Variants in RBFOX1 observed in about 807,000 individuals in gnomAD.
RBFOX1 encodes the protein RNA binding protein fox-1 homolog 1.
Under a neutral mutation model 57.7 loss-of-function variants are expected in RBFOX1, and 8 were observed. The ratio of observed to expected loss-of-function variants is 0.14; its 90% confidence interval spans 0.08 to 0.25. The LOEUF is 0.25. Ranked by LOEUF, RBFOX1 falls within the 10% of genes least tolerant of loss-of-function variation. The pLI, the probability that RBFOX1 is intolerant of heterozygous loss-of-function variation, is 1.00. For missense variants in RBFOX1, 611 were observed against 548.5 expected, an observed-to-expected ratio of 1.11 and a Z score of -1.14; for synonymous variants, 326 against 222.4, an observed-to-expected ratio of 1.47 and a Z score of -4.15.
chr16:6,009,952 C>T (rs972539869), intron 4 of RBFOX1, among the ~76,000 whole-genome samples: 2 of 152,154 alleles, frequency 1.3e-5, no homozygotes, highest in Admixed American at 6.5e-5. Context: ...GTCTTACATA[C>T]ACTGCAGTTG....
intron 3 of RBFOX1, among the ~76,000 whole-genome samples, chr16:6,863,670 TA>T (rs71408411): frequency 1.4e-4 from 15 of 105,536 alleles, no homozygotes; most frequent in Non-Finnish European, 2.1e-4. Flanking sequence ...TTTTTTTCCT[TA>T]AAAAAAAAAA....
At chr16:7,480,238 G>A (rs762057841) in intron 4 of RBFOX1, among the ~76,000 whole-genome samples, 7 of 152,140 alleles carry the variant, frequency 4.6e-5, no homozygotes, top group South Asian at 2.1e-4. Flanking sequence ...ACTGGGCCTC[G>A]GGAAGCAACT....
intron 1 of RBFOX1, among the ~76,000 whole-genome samples, chr16:6,279,663 A>G (rs897608583): frequency 6.6e-6 from 1 of 152,196 alleles, no homozygotes; most frequent in Admixed American, 6.5e-5. Flanking sequence ...TAAACACACT[A>G]TTAACTATTA....
intron 4 of RBFOX1, among the ~76,000 whole-genome samples, chr16:7,501,607 A>C (rs2013224): frequency 0.12 from 17,932 of 152,124 alleles, 1,097 homozygotes; most frequent in East Asian, 0.18. Context: ...GCTTTGTTCT[A>C]CTTTGTTTTC....
chr16:5,778,312 G>A lies in RBFOX1; in HGVS notation c.319-88991G>A, dbSNP rs557699622. On this transcript the variant is annotated intron_variant, in intron 3 of 19. Coordinates refer to the RBFOX1 transcript ENST00000641259. ...CAGAGTTCTAAGTGTGAGTTTCCAT[G>A]ATCTCATCTGATTTCCCTACCATCT... Among the ~76,000 whole-genome samples, 42 of 152,212 alleles carry A rather than the reference G, an allele frequency of 2.8e-4. 1 individual carries two copies. The South Asian group carries it at 8.3e-3, about 30-fold the overall frequency.
chr16:7,591,336 G>C (rs753653872), intron 7 of RBFOX1, among the ~76,000 whole-genome samples: 6 of 152,012 alleles, frequency 3.9e-5, no homozygotes, highest in Non-Finnish European at 7.4e-5. Context: ...TAGAGGACTG[G>C]ATTTTTCATC....
chr16:6,947,766 C>T (rs576451797), intron 3 of RBFOX1, among the ~76,000 whole-genome samples: 1 of 152,118 alleles, frequency 6.6e-6, no homozygotes, highest in African/African-American at 2.4e-5. Flanking sequence ...CATCTGATTA[C>T]ATTTTCTCTT....
chr16:7,301,295 C>A (rs1040999411), intron 4 of RBFOX1, among the ~76,000 whole-genome samples: 1 of 152,094 alleles, frequency 6.6e-6, no homozygotes, highest in African/African-American at 2.4e-5. Flanking sequence ...GGGACTTGTC[C>A]CTGTGTGTGA....
At chr16:7,579,756 G>C (rs759817559) in intron 5 of RBFOX1, 21 bp from the exon 6 acceptor site, 1 of 1,613,860 alleles carries the variant, frequency 6.2e-7, no homozygotes, top group Non-Finnish European at 8.5e-7. Context: ...GAACCTCTTC[G>C]GTTTCTTCTT....
intron 1 of RBFOX1, among the ~76,000 whole-genome samples, chr16:5,423,539 G>C (rs1049512061): frequency 6.6e-6 from 1 of 152,186 alleles, no homozygotes; most frequent in Non-Finnish European, 1.5e-5. Flanking sequence ...CAGATGCCAG[G>C]CCTACCCTGG....
chr16:5,941,879 G>A (rs2152266116), intron 4 of RBFOX1, among the ~76,000 whole-genome samples: 1 of 152,040 alleles, frequency 6.6e-6, no homozygotes, highest in East Asian at 1.9e-4. Context: ...TTTCCGGCCT[G>A]AGTCTGCTTC....
At chr16:5,453,106 ATCAG>A (rs554644255) in intron 1 of RBFOX1, among the ~76,000 whole-genome samples, 149 of 152,156 alleles carry the variant, frequency 9.8e-4, no homozygotes, top group African/African-American at 3.1e-3. Flanking sequence ...CAGTCGATTG[ATCAG>A]TCAGTCAGTC....
intron 3 of RBFOX1, among the ~76,000 whole-genome samples, chr16:5,749,974 G>GT (rs1187868961): frequency 1.3e-5 from 2 of 152,144 alleles, no homozygotes; most frequent in African/African-American, 4.8e-5. Flanking sequence ...TTTCTGCTCT[G>GT]TTTTTTCCCC....
At chr16:6,458,089 G>A (rs2153058157) in intron 2 of RBFOX1, among the ~76,000 whole-genome samples, 1 of 152,266 alleles carries the variant, frequency 6.6e-6, no homozygotes, top group East Asian at 1.9e-4. Flanking sequence ...ATGGCATCCA[G>A]GGCTGGGGAA....
chr16:6,367,488 C>G (rs1050962234), intron 2 of RBFOX1, among the ~76,000 whole-genome samples: 1 of 151,968 alleles, frequency 6.6e-6, no homozygotes, highest in Non-Finnish European at 1.5e-5. Context: ...GTCAGGCTGG[C>G]CCCGAACTCC....
At chr16:7,176,236 T>TTTTTTTTTTTTTTTTTTTTTG (rs1555534123) in intron 4 of RBFOX1, among the ~76,000 whole-genome samples, 2 of 150,718 alleles carry the variant, frequency 1.3e-5, no homozygotes, top group African/African-American at 4.9e-5. Flanking sequence ...TCTTGGTTCT[T>TTTTTTTTTTTTTTTTTTTTTG]AAAATCATGG....
chr16:5,715,553 G>T (rs762719896), intron 3 of RBFOX1, among the ~76,000 whole-genome samples: 8 of 152,162 alleles, frequency 5.3e-5, no homozygotes, highest in Non-Finnish European at 7.4e-5. Context: ...CTCTCTTTTT[G>T]TCTTGCCAGT....
intron 3 of RBFOX1, among the ~76,000 whole-genome samples, chr16:5,669,040 G>T (rs1338137779): frequency 6.6e-6 from 1 of 152,114 alleles, no homozygotes; most frequent in Non-Finnish European, 1.5e-5. Context: ...GGTACTGTCT[G>T]AGCACCCACA....
chr16:6,530,634 A>G (rs374050936), intron 2 of RBFOX1, among the ~76,000 whole-genome samples: 14 of 152,284 alleles, frequency 9.2e-5, no homozygotes, highest in African/African-American at 3.1e-4. Context: ...TCACAATTCC[A>G]CATGGCTGGG....
Sources: gnomAD v4.1 joint callset for allele counts (sites outside exome capture counted in the v4.1 genomes callset) on GRCh38, gnomAD v4.1.1 for gene constraint, MANE v1.5 for transcripts, NCBI Gene and HGNC (gene_info 2026-07-23, HGNC 2026-07-21) for gene names.